L3MBTL3: variants seen among roughly 807,000 people sequenced by gnomAD.
L3MBTL3 encodes lethal(3)malignant brain tumor-like protein 3.
In L3MBTL3, 27 loss-of-function variants were observed where a neutral mutation model predicts 102.3. The observed-to-expected ratio is 0.26, with a 90% CI of 0.19 to 0.36. The LOEUF (loss-of-function observed/expected upper bound fraction) is 0.36, where lower values mean the gene tolerates loss of function less well. Among genes scored for constraint, L3MBTL3 ranks in the 10% least tolerant of loss-of-function variants. The pLI is 1.00. For missense variants in L3MBTL3, 798 were observed against 955.3 expected (o/e 0.84, Z 2.17); for synonymous variants, 340 against 320.9 (o/e 1.06, Z -0.64).
chr6:130,037,582 C>G (rs910560503), intron 2 of L3MBTL3, among the ~76,000 whole-genome samples: 2 of 152,040 alleles, frequency 1.3e-5, no homozygotes, highest in African/African-American at 4.8e-5. Context: ...TCTTTACATC[C>G]TGGGTCCTGT....
chr6:130,071,204 A>C (rs1584371736), intron 13 of L3MBTL3, 77 bp downstream of exon 13: 1 of 1,248,840 alleles, frequency 8.0e-7, no homozygotes, highest in South Asian at 1.6e-5. Flanking sequence ...GTAATAGTGC[A>C]ACGCTTATAA....
chr6:130,056,755 A>G (rs1562272232), intron 8 of L3MBTL3, among the ~76,000 whole-genome samples: 1 of 151,390 alleles, frequency 6.6e-6, no homozygotes, highest in Non-Finnish European at 1.5e-5. Context: ...CTTCAGTCAC[A>G]TTTTTTCCTT....
At chr6:130,027,763 A>G (rs1474145927) in intron 2 of L3MBTL3, among the ~76,000 whole-genome samples, 1 of 152,216 alleles carries the variant, frequency 6.6e-6, no homozygotes, top group African/African-American at 2.4e-5. Context: ...AAAAAAGAAC[A>G]AGAGAGTACT....
chr6:130,085,257 T>C (rs1175088669), intron 15 of L3MBTL3, among the ~76,000 whole-genome samples: 1 of 152,238 alleles, frequency 6.6e-6, no homozygotes, highest in East Asian at 1.9e-4. Flanking sequence ...CAGAGGCTTA[T>C]AAGTTTCTGC....
At chr6:130,060,500 CTG>C (rs1781819236) in intron 10 of L3MBTL3, among the ~76,000 whole-genome samples, 1 of 151,316 alleles carries the variant, frequency 6.6e-6, no homozygotes, top group African/African-American at 2.4e-5. Flanking sequence ...CAAGGTATCT[CTG>C]TGAAATTTTT....
chr6:130,053,645 AAC>A (rs1467570152), intron 7 of L3MBTL3, among the ~76,000 whole-genome samples: 5 of 151,476 alleles, frequency 3.3e-5, no homozygotes, highest in Non-Finnish European at 5.9e-5. Flanking sequence ...AAAAAAAAAA[AAC>A]AAAAAAAACT....
At chr6:130,053,721 G>A (rs999219257) in intron 7 of L3MBTL3, among the ~76,000 whole-genome samples, 1 of 151,810 alleles carries the variant, frequency 6.6e-6, no homozygotes, top group African/African-American at 2.4e-5. Context: ...CATTCAAAAT[G>A]TGTGAATTAA....
At position 130,057,430 on chromosome 6, in the gene L3MBTL3, C is replaced by G. The variant is rs1420387654; in HGVS notation, c.692C>G (p.Ala231Gly). Residue 231 changes from alanine (A) to glycine (G), a missense_variant, in exon 9 of 23, where the codon GCG (alanine) becomes GGG (glycine). This residue lies in a region of L3MBTL3 where 434 missense variants were observed against 506.6 expected (regional missense o/e 0.86). Transcript: ENST00000361794. ...KQGLPPKGKK[A>G]WCWASYLEEE... is the part of the protein sequence containing the mutation. ...GGTTTGCCTCCTAAAGGAAAGAAAG[C>G]GTGGTGCTGGGCATCCTACCTGGAA... The G allele has an allele frequency of 6.2e-7, 1 of 1,610,308 alleles. No individual in the cohort carries two copies. Among genetic ancestry groups the G allele is most frequent in the African/African-American group, 1.3e-5 (1 of 74,872 alleles).
chr6:130,106,929 T>C (rs907828049), intron 19 of L3MBTL3, among the ~76,000 whole-genome samples: 2 of 152,234 alleles, frequency 1.3e-5, no homozygotes, highest in Admixed American at 6.5e-5. Flanking sequence ...AGTAATCTTA[T>C]GTTTTGAATT....
chr6:130,066,585 T>G, intron 11 of L3MBTL3, 97 bp downstream of exon 11: 1 of 1,065,180 alleles, frequency 9.4e-7, no homozygotes, highest in Non-Finnish European at 1.4e-6. Flanking sequence ...TTATGAAAAT[T>G]CAGATAGGCA....
chr6:130,033,820 A>G (rs547926623), intron 2 of L3MBTL3, among the ~76,000 whole-genome samples: 2 of 152,382 alleles, frequency 1.3e-5, no homozygotes, highest in East Asian at 3.9e-4. Context: ...AAAATTATTA[A>G]AACTATTTAA....
intron 20 of L3MBTL3, among the ~76,000 whole-genome samples, chr6:130,130,994 C>T (rs536756643): frequency 6.6e-6 from 1 of 152,174 alleles, no homozygotes; most frequent in African/African-American, 2.4e-5. Flanking sequence ...TTATAACAGC[C>T]TCAGGAAACA....
intron 2 of L3MBTL3, among the ~76,000 whole-genome samples, chr6:130,032,357 G>A (rs1779782499): frequency 6.6e-6 from 1 of 152,204 alleles, no homozygotes; most frequent in African/African-American, 2.4e-5. Flanking sequence ...GCTGAGGCGG[G>A]AGGAGTGTTT....
rs1562298234 is a variant in L3MBTL3 at position 130,086,225 on chromosome 6, C to T, written c.1493C>T (p.Ala498Val). Residue 498 changes from alanine to valine, a missense_variant, in exon 16 of 23, where the codon GCA (alanine) becomes GTA (valine). Coordinates refer to ENST00000361794, the MANE Select transcript of L3MBTL3 (RefSeq NM_032438.4). ...ATGTTTATTAGAGTAGCAACTGTGG[C>T]AGACACAGATGATCACCGGGTAAAA... ...NPMFIRVATVADTDDHRVKVH... is the reference protein window; with the variant it reads ...NPMFIRVATVVDTDDHRVKVH... 1.9e-6 allele frequency: 3 copies of T among 1,610,246 alleles called. No homozygotes were observed. Among genetic ancestry groups the T allele is most frequent in the Admixed American group, 1.7e-5 (1 of 59,776 alleles).
At chr6:130,134,100 ATGTT>A (rs1787358783) in intron 22 of L3MBTL3, among the ~76,000 whole-genome samples, 195 bp downstream of exon 22, 1 of 152,202 alleles carries the variant, frequency 6.6e-6, no homozygotes, top group South Asian at 2.1e-4. Context: ...ATGCATAAGA[ATGTT>A]TGTGAGTACC....
chr6:130,117,140 A>G (rs1329601988), intron 19 of L3MBTL3, among the ~76,000 whole-genome samples: 21 of 93,316 alleles, frequency 2.3e-4, no homozygotes, highest in African/African-American at 8.5e-4. Flanking sequence ...ACCCCACCAC[A>G]GTCCCCAGAG....
At chr6:130,075,567 A>G (rs1782897989) in intron 13 of L3MBTL3, among the ~76,000 whole-genome samples, 1 of 152,168 alleles carries the variant, frequency 6.6e-6, no homozygotes, top group African/African-American at 2.4e-5. Flanking sequence ...AGGAACAGAA[A>G]CTGATTTGCA....
At chr6:130,118,440 G>A (rs1038351127) in intron 19 of L3MBTL3, among the ~76,000 whole-genome samples, 9 of 152,194 alleles carry the variant, frequency 5.9e-5, no homozygotes, top group South Asian at 2.1e-4. Flanking sequence ...GATTCTGCTC[G>A]CTCCAGTGGT....
chr6:130,081,121 T>G (rs551462079), intron 14 of L3MBTL3, among the ~76,000 whole-genome samples: 1 of 152,374 alleles, frequency 6.6e-6, no homozygotes, highest in Admixed American at 6.5e-5. Flanking sequence ...TTTCAGAAAT[T>G]AAAATCTTCA....
Sources: allele counts gnomAD v4.1 joint callset (sites outside exome capture counted in the v4.1 genomes callset), GRCh38; gene constraint gnomAD v4.1.1; regional missense constraint gnomAD v4.1.1; transcripts MANE v1.5; gene names NCBI Gene and HGNC (gene_info 2026-07-23, HGNC 2026-07-21).